The following TNFSF4 variants were observed in gnomAD, a reference collection of about 807,000 sequenced individuals.
The protein encoded by TNFSF4 is tumor necrosis factor ligand superfamily member 4.
A neutral mutation model predicts 7.3 loss-of-function variants in TNFSF4; 4 were observed. The observed-to-expected ratio is 0.55, with a 90% CI of 0.27 to 1.25. The LOEUF (loss-of-function observed/expected upper bound fraction) is 1.25. Among genes scored for constraint, TNFSF4 ranks in the 50% most tolerant of loss-of-function variants. The pLI, the probability that TNFSF4 is intolerant of heterozygous loss-of-function variation, is 0.12. For synonymous variants in TNFSF4, 76 were observed against 83.7 expected (o/e 0.91, Z 0.50); for missense variants, 181 against 208.8 (o/e 0.87, Z 0.82).
chr1:173,380,600 T>C, the TNFSF4 span, among the ~76,000 whole-genome samples: 1 of 152,102 alleles, frequency 6.6e-6, no homozygotes, highest in South Asian at 2.1e-4. Flanking sequence ...GCATGACCAT[T>C]CACCCCTGGG....
At position 173,184,378 on chromosome 1, in the gene TNFSF4, A is replaced by G. The variant is rs577406763; in HGVS notation, c.*2138T>C. ...CACACACATATTTTTGATGGAAGGA[A>G]GGTGGAGTGAGGCTGGTGCATAGCA... On this transcript the variant is annotated 3_prime_UTR_variant, in exon 3 of 3. Coordinates refer to ENST00000281834, the MANE Select transcript of TNFSF4 (RefSeq NM_003326.5). 2.0e-5 allele frequency: 3 copies of G among 152,224 alleles called. No homozygotes were observed. Among genetic ancestry groups the G allele is most frequent in the Non-Finnish European group, 4.4e-5 (3 of 68,052 alleles). 9.4% of individuals were successfully genotyped at this position (152,224 alleles called of 1,614,324 possible).
At chr1:173,337,224 T>C in the TNFSF4 span, among the ~76,000 whole-genome samples, 15 of 152,168 alleles carry the variant, frequency 9.9e-5, no homozygotes, top group Non-Finnish European at 1.9e-4. Context: ...ACTTCTCTTA[T>C]TGAGAAACAA....
At chr1:173,403,486 G>A in the TNFSF4 span, among the ~76,000 whole-genome samples, 1 of 152,186 alleles carries the variant, frequency 6.6e-6, no homozygotes, top group African/African-American at 2.4e-5. Context: ...TTATGTAAGT[G>A]CAGGGAACAG....
the TNFSF4 span, among the ~76,000 whole-genome samples, chr1:173,429,777 C>G: frequency 9.9e-5 from 15 of 152,176 alleles, no homozygotes; most frequent in Non-Finnish European, 2.2e-4. Flanking sequence ...ATCCTCTAAT[C>G]CCCCTCATAT....
the TNFSF4 span, among the ~76,000 whole-genome samples, chr1:173,398,409 CTTTTTT>C: frequency 6.6e-3 from 669 of 101,564 alleles, 1 homozygote; most frequent in Non-Finnish European, 9.4e-3. Context: ...TATTTCTTTT[CTTTTTT>C]TTTTTTTTTT....
At chr1:173,418,720 G>C in the TNFSF4 span, 1 of 152,130 alleles carries the variant, frequency 6.6e-6, no homozygotes, top group Non-Finnish European at 1.5e-5. Flanking sequence ...AAACATAATG[G>C]AGGGACTCCA....
the TNFSF4 span, among the ~76,000 whole-genome samples, chr1:173,310,124 GCTC>G: frequency 6.6e-5 from 10 of 151,666 alleles, no homozygotes; most frequent in African/African-American, 2.4e-4. Flanking sequence ...TGACTTTGTT[GCTC>G]CTTTCTTTTG....
At chr1:173,283,943 A>AT in the TNFSF4 span, among the ~76,000 whole-genome samples, 1 of 151,450 alleles carries the variant, frequency 6.6e-6, no homozygotes, top group African/African-American at 2.4e-5. Flanking sequence ...AAAAAAAAAA[A>AT]AAAAGTTCTT....
chr1:173,357,212 A>G, the TNFSF4 span, among the ~76,000 whole-genome samples: 1 of 152,336 alleles, frequency 6.6e-6, no homozygotes, highest in African/African-American at 2.4e-5. Flanking sequence ...CTTAAGATGT[A>G]GGCCTCAGAG....
chr1:173,259,105 G>A, the TNFSF4 span, among the ~76,000 whole-genome samples: 1 of 152,066 alleles, frequency 6.6e-6, no homozygotes, highest in Admixed American at 6.5e-5. Flanking sequence ...CTGGCATCAG[G>A]CTGGTGCTCC....
At chr1:173,407,642 T>C in the TNFSF4 span, among the ~76,000 whole-genome samples, 1 of 148,322 alleles carries the variant, frequency 6.7e-6, no homozygotes, top group African/African-American at 2.5e-5. Flanking sequence ...ATTAAAATCA[T>C]CACTATCAGC....
At chr1:173,398,409 CTTTTTTTTTTT>C in the TNFSF4 span, among the ~76,000 whole-genome samples, 1 of 101,572 alleles carries the variant, frequency 9.8e-6, no homozygotes, top group African/African-American at 3.8e-5. Context: ...TATTTCTTTT[CTTTTTTTTTTT>C]TTTTTTTTTT....
At chr1:173,395,377 A>ATATATATAT in the TNFSF4 span, among the ~76,000 whole-genome samples, 4 of 63,234 alleles carry the variant, frequency 6.3e-5, no homozygotes, top group East Asian at 3.0e-3. Context: ...CTGTGTATAT[A>ATATATATAT]ATATATATAT....
At chr1:173,234,415 T>C in the TNFSF4 span, among the ~76,000 whole-genome samples, 7 of 152,190 alleles carry the variant, frequency 4.6e-5, no homozygotes, top group Admixed American at 2.6e-4. Context: ...GAATTAGAAA[T>C]ACCATTTTAC....
At chr1:173,227,594 G>A in the TNFSF4 span, among the ~76,000 whole-genome samples, 11 of 152,004 alleles carry the variant, frequency 7.2e-5, no homozygotes, top group Non-Finnish European at 1.5e-4. Flanking sequence ...TGGGTGCAGA[G>A]CAGTGGGTGC....
the TNFSF4 span, among the ~76,000 whole-genome samples, chr1:173,382,291 C>T: frequency 2.0e-5 from 3 of 152,094 alleles, no homozygotes; most frequent in Non-Finnish European, 4.4e-5. Context: ...TCAAGCTAGA[C>T]CACGAACCCA....
chr1:173,375,458 T>TG, the TNFSF4 span, among the ~76,000 whole-genome samples: 95 of 152,240 alleles, frequency 6.2e-4, 1 homozygote, highest in Admixed American at 2.0e-3. Context: ...CTGGGTCAAG[T>TG]GGGGACTTCA....
chr1:173,232,697 G>T, the TNFSF4 span, among the ~76,000 whole-genome samples: 10 of 152,108 alleles, frequency 6.6e-5, no homozygotes, highest in South Asian at 2.1e-3. Flanking sequence ...GGATTTTGTC[G>T]AAGGCCTTTT....
the TNFSF4 span, among the ~76,000 whole-genome samples, chr1:173,247,297 A>G: frequency 6.6e-6 from 1 of 152,234 alleles, no homozygotes; most frequent in Non-Finnish European, 1.5e-5. Flanking sequence ...AGGGTGAGTT[A>G]GACTAGATAC....
Sources: gnomAD v4.1 joint callset for allele counts (sites outside exome capture counted in the v4.1 genomes callset) on GRCh38, gnomAD v4.1.1 for gene constraint, MANE v1.5 for transcripts, NCBI Gene and HGNC (gene_info 2026-07-23, HGNC 2026-07-21) for gene names.